LRP2: variants seen among roughly 807,000 people sequenced by gnomAD.
LRP2 encodes low-density lipoprotein receptor-related protein 2.
A neutral mutation model predicts 531.0 loss-of-function variants in LRP2; 172 were observed. That is an observed-to-expected ratio of 0.32 (90% CI 0.29 to 0.37). The LOEUF (loss-of-function observed/expected upper bound fraction) is 0.37. LRP2 is among the 10% of genes least tolerant of loss of function. The pLI is 1.00. For missense variants in LRP2, 5,167 were observed against 5,868.3 expected (o/e 0.88, Z 3.90); for synonymous variants, 1,992 against 2,027.6 (o/e 0.98, Z 0.47).
At position 169,277,727 on chromosome 2, in the gene LRP2, A is replaced by G. The variant is rs763723985; in HGVS notation, c.1772+18T>C. ...CCTGCAACTTATAAAGCCATAAGCC[A>G]TAAAAAATACTTCTTACCTTTGAAT... On this transcript the variant is annotated intron_variant, in intron 13 of 78. Transcript: ENST00000649046. 6.2e-7 allele frequency: 1 copy of G among 1,609,776 alleles called. No homozygotes were observed. The highest frequency in any genetic ancestry group is 8.5e-7 in the Non-Finnish European group (1 of 1,176,062).
chr2:169,256,764 C>G (rs939698688), intron 18 of LRP2, among the ~76,000 whole-genome samples: 9 of 152,040 alleles, frequency 5.9e-5, no homozygotes, highest in Admixed American at 5.2e-4. Flanking sequence ...TCAAGATGTT[C>G]CCTGTAAGAA....
rs142155669 is a variant in LRP2, at chr2:169,230,616, C to T, written c.5227+1098G>A. The stretch of plus-strand genomic sequence containing the variant: ...ATTTTCATCAGTATCAAAATATATT[C>T]ATTCAGTTCTCTTCACTGAGAAACG... On this transcript the variant is annotated intron_variant, in intron 31 of 78. Transcript: ENST00000649046. 4.7e-3 allele frequency among the ~76,000 whole-genome samples: 721 copies of T among 152,292 alleles called. 2 individuals are homozygous for T. Among genetic ancestry groups the T allele is most frequent in the Middle Eastern group, 0.017 (5 of 294 alleles).
chr2:169,327,523 C>T (rs1196479160), intron 1 of LRP2, among the ~76,000 whole-genome samples: 18 of 113,460 alleles, frequency 1.6e-4, no homozygotes, highest in East Asian at 3.0e-4. Context: ...CCGCCCCGTC[C>T]GGGAGGGAGG....
intron 19 of LRP2, among the ~76,000 whole-genome samples, chr2:169,247,906 C>T (rs1027274625): frequency 1.2e-4 from 18 of 152,200 alleles, no homozygotes; most frequent in African/African-American, 3.9e-4. Flanking sequence ...GCAAATACTA[C>T]GCTGTGTGAA....
Position 169,188,100 on chromosome 2 carries a change from G to T in LRP2, c.9198C>A (p.His3066Gln). The T allele has an allele frequency of 6.2e-7, 1 of 1,614,098 alleles. No individual in the cohort carries two copies. Among genetic ancestry groups the T allele is most frequent in the Non-Finnish European group, 8.5e-7 (1 of 1,180,004 alleles). The change falls in exon 49 of 79, where the codon CAC (histidine) becomes CAA (glutamine). Residue 3066 changes from histidine (H) to glutamine (Q), a missense_variant. Coordinates refer to ENST00000649046, the MANE Select transcript of LRP2 (RefSeq NM_004525.3). ...DCGDGSDELM[H>Q]LCHTPEPTCP... ...ACGTGGGTTCTGGGGTGTGGCACAGGTGCATCAGCTCATCAGATCCGTCTC... is the reference window on the plus strand; with the variant it reads ...ACGTGGGTTCTGGGGTGTGGCACAGTTGCATCAGCTCATCAGATCCGTCTC...
chr2:169,296,776 G>A (rs886973005), intron 4 of LRP2, among the ~76,000 whole-genome samples: 2 of 152,060 alleles, frequency 1.3e-5, no homozygotes, highest in Admixed American at 1.3e-4. Flanking sequence ...AATTGAAAGG[G>A]GAAAGATTAA....
At chr2:169,264,500 C>T (rs1372964886) in intron 16 of LRP2, among the ~76,000 whole-genome samples, 1 of 152,024 alleles carries the variant, frequency 6.6e-6, no homozygotes, top group Non-Finnish European at 1.5e-5. Context: ...GATAATTTCT[C>T]ATTCAAAATA....
In LRP2 at chr2:169,238,211, G is replaced by C. The variant is rs201948239; in HGVS notation, c.4386C>G (p.Val1462=). Residue 1462 remains valine, a synonymous_variant, in exon 27 of 79, where the codon GTC becomes GTG. Coordinates refer to ENST00000649046, the MANE Select transcript of LRP2 (RefSeq NM_004525.3). ...TSQVHNIYSL[V]ENGSYIVAVD... is the part of the protein sequence containing the mutation. Reference sequence around the variant, plus strand: ...CAGCTACAATGTAAGAACCATTCTCGACCAATGAATAGATATTGTGGACCT... The same window carrying C: ...CAGCTACAATGTAAGAACCATTCTCCACCAATGAATAGATATTGTGGACCT... The C allele has an allele frequency of 4.3e-6, 7 of 1,613,906 alleles. No homozygotes were observed. The highest frequency in any genetic ancestry group is 5.9e-6 in the Non-Finnish European group (7 of 1,179,958).
intron 7 of LRP2, among the ~76,000 whole-genome samples, chr2:169,291,903 G>C (rs925957029): frequency 1.3e-5 from 2 of 152,134 alleles, no homozygotes; most frequent in Admixed American, 1.3e-4. Flanking sequence ...TCCTTCCCCA[G>C]CCTATTAGTT....
chr2:169,137,541 G>C (rs1163803718), intron 75 of LRP2, 48 bp from the exon 76 acceptor site: 3 of 1,189,448 alleles, frequency 2.5e-6, no homozygotes, highest in Non-Finnish European at 2.5e-6. Flanking sequence ...GAGAAACAGA[G>C]AGAGAGATTA....
At chr2:169,212,323 T>G in intron 36 of LRP2, 116 bp from the exon 37 acceptor site, 1 of 1,324,180 alleles carries the variant, frequency 7.6e-7, no homozygotes, top group Non-Finnish European at 1.1e-6. Flanking sequence ...AACCAACATA[T>G]AGTAGCTGAG....
At chr2:169,202,670 C>T in intron 43 of LRP2, 86 bp downstream of exon 43, 1 of 1,370,080 alleles carries the variant, frequency 7.3e-7, no homozygotes, top group Non-Finnish European at 1.0e-6. Context: ...ATTTCAAACA[C>T]ATTCACACAT....
intron 33 of LRP2, among the ~76,000 whole-genome samples, chr2:169,220,930 T>G (rs1359920240): frequency 6.6e-6 from 1 of 151,914 alleles, no homozygotes; most frequent in Non-Finnish European, 1.5e-5. Context: ...GGAAGACAAA[T>G]GAGAACCCCA....
At position 169,138,811 on chromosome 2, in the gene LRP2, T is replaced by A. The variant is rs1244521273; in HGVS notation, c.13389-105A>T. On this transcript the variant is annotated intron_variant, in intron 74 of 78. Transcript: ENST00000649046. Reference sequence around the variant, plus strand: ...GTACCCTCTCCTCCACATTGCCAAATCTTCCTCAAATGTAATGCTCAATTC... The same window carrying A: ...GTACCCTCTCCTCCACATTGCCAAAACTTCCTCAAATGTAATGCTCAATTC... 3 of 1,307,230 alleles carry A rather than the reference T, an allele frequency of 2.3e-6. No individual in the cohort carries two copies. In the African/African-American group the frequency reaches 4.4e-5, roughly 19 times the overall value. The allele number at this position is 1,307,230 out of a possible 1,614,324, so 81.0% of individuals were successfully genotyped here.
intron 3 of LRP2, among the ~76,000 whole-genome samples, chr2:169,312,890 C>G (rs1444508999): frequency 6.6e-6 from 1 of 152,170 alleles, no homozygotes; most frequent in Admixed American, 6.5e-5. Flanking sequence ...TTCTTGGAGG[C>G]TTTGTTCATT....
chr2:169,256,307 C>G, intron 18 of LRP2, 71 bp from the exon 19 acceptor site: 1 of 1,279,666 alleles, frequency 7.8e-7, no homozygotes, highest in East Asian at 2.3e-5. Flanking sequence ...AAAGGGCATC[C>G]AAAAACAGTA....
chr2:169,259,197 T>C lies in LRP2; in HGVS notation c.2341A>G (p.Asn781Asp). Residue 781 changes from asparagine (N) to aspartate (D), a missense_variant, in exon 17 of 79, where the codon AAC becomes GAC. Transcript: ENST00000649046. ...AAACTTTCAACATTTTCCACCCTGT[T>C]AGCTGCGAGAATTTCTCTTCCTATA... ...DGTGREILAANRVENVESLAF... is the reference protein window; with the variant it reads ...DGTGREILAADRVENVESLAF... 6.2e-7 allele frequency: 1 copy of C among 1,613,168 alleles called. No homozygotes were observed. The highest frequency in any genetic ancestry group is 1.1e-5 in the South Asian group (1 of 91,070).
At chr2:169,195,326 A>T (rs532456248) in intron 46 of LRP2, among the ~76,000 whole-genome samples, 2 of 152,310 alleles carry the variant, frequency 1.3e-5, no homozygotes, top group East Asian at 1.9e-4. Context: ...CTGTTTTTTT[A>T]AAATCTATAT....
chr2:169,257,153 T>C lies in LRP2; in HGVS notation c.2610A>G (p.Gly870=). The part of the protein sequence containing the change: ...HLLPVINTTL[G]WPNGLAIDWA... ...AATCGATGGCCAAGCCATTGGGCCA[T>C]CCAAGAGTAGTGTTTATTACAGGCA... Residue 870 remains glycine (G), a synonymous_variant, in exon 18 of 79, where the codon GGA becomes GGG. Coordinates refer to ENST00000649046, the MANE Select transcript of LRP2 (RefSeq NM_004525.3). 2 of 1,612,944 alleles carry C rather than the reference T, an allele frequency of 1.2e-6. No individual in the cohort carries two copies. Among genetic ancestry groups the C allele is most frequent in the African/African-American group, 2.7e-5 (2 of 74,980 alleles).
Sources: gnomAD v4.1 joint callset for allele counts (sites outside exome capture counted in the v4.1 genomes callset) on GRCh38, gnomAD v4.1.1 for gene constraint, MANE v1.5 for transcripts, NCBI Gene and HGNC (gene_info 2026-07-23, HGNC 2026-07-21) for gene names.